Variants in NLN observed in about 807,000 individuals in gnomAD.
The protein encoded by NLN is neurolysin, also known as neurolysin, mitochondrial.
NLN carries 64 observed loss-of-function variants against 79.9 expected under a neutral mutation model. The observed-to-expected ratio is 0.80, with a 90% CI of 0.65 to 0.99. The LOEUF is 0.99. Among genes scored for constraint, NLN ranks in the 50% least tolerant of loss-of-function variants. The pLI, the probability that NLN is intolerant of heterozygous loss-of-function variation, is 0.00. For missense variants in NLN, 835 were observed against 858.7 expected (o/e 0.97, Z 0.34); for synonymous variants, 267 against 296.6 (o/e 0.90, Z 1.02).
chr5:65,820,276 C>A (rs1760763741), intron 12 of NLN, among the ~76,000 whole-genome samples: 1 of 152,172 alleles, frequency 6.6e-6, no homozygotes, highest in African/African-American at 2.4e-5. Flanking sequence ...ATACATGATA[C>A]ATACATCTTG....
At chr5:65,815,816 C>T (rs774969591) in intron 12 of NLN, among the ~76,000 whole-genome samples, 21 of 151,980 alleles carry the variant, frequency 1.4e-4, no homozygotes, top group Non-Finnish European at 2.8e-4. Flanking sequence ...TCTAAAATAA[C>T]ACTTGCCTTA....
intron 5 of NLN, 64 bp from the exon 6 acceptor site, chr5:65,781,197 G>A: frequency 2.0e-6 from 2 of 1,016,940 alleles, no homozygotes; most frequent in Admixed American, 2.2e-5. Context: ...AAGGCACCAT[G>A]CCAATACTAA....
chr5:65,818,681 A>G (rs1184160746), intron 12 of NLN: 3 of 152,258 alleles, frequency 2.0e-5, no homozygotes, highest in Non-Finnish European at 4.4e-5. Context: ...GTTATGGACT[A>G]TGGAAGGAGA....
At chr5:65,801,413 A>G (rs1760283434) in intron 9 of NLN, among the ~76,000 whole-genome samples, 1 of 152,186 alleles carries the variant, frequency 6.6e-6, no homozygotes, top group South Asian at 2.1e-4. Context: ...TGTGAGTCTT[A>G]CCCATGGTTT....
intron 9 of NLN, among the ~76,000 whole-genome samples, chr5:65,805,587 A>T (rs948174262): frequency 2.0e-5 from 3 of 152,378 alleles, no homozygotes; most frequent in Non-Finnish European, 4.4e-5. Flanking sequence ...GAAGTGAGGA[A>T]GCTGCAGAAG....
intron 11 of NLN, among the ~76,000 whole-genome samples, chr5:65,810,659 A>G (rs1028090223): frequency 2.0e-5 from 3 of 152,182 alleles, no homozygotes; most frequent in Admixed American, 6.5e-5. Context: ...ATTATTGACT[A>G]TAGTCATCCT....
At chr5:65,730,745 CAG>C (rs762657166) in intron 1 of NLN, among the ~76,000 whole-genome samples, 64 of 152,108 alleles carry the variant, frequency 4.2e-4, no homozygotes, top group East Asian at 2.3e-3. Context: ...TTTGTAGAAA[CAG>C]GGGTTCACCA....
intron 1 of NLN, among the ~76,000 whole-genome samples, chr5:65,741,576 GTCTC>G (rs969234646): frequency 1.3e-5 from 2 of 152,088 alleles, no homozygotes; most frequent in African/African-American, 4.8e-5. Flanking sequence ...AAAGAGGAGA[GTCTC>G]TCTCCTGAGT....
intron 1 of NLN, among the ~76,000 whole-genome samples, chr5:65,756,243 A>T (rs950111464): frequency 1.1e-4 from 17 of 152,064 alleles, no homozygotes; most frequent in Admixed American, 3.3e-4. Flanking sequence ...AAGTAAAATT[A>T]CCACTTAATA....
chr5:65,746,602 C>G (rs1157031825), intron 1 of NLN, among the ~76,000 whole-genome samples: 1 of 152,116 alleles, frequency 6.6e-6, no homozygotes, highest in Non-Finnish European at 1.5e-5. Flanking sequence ...ATAGTGGTGT[C>G]TAGTGGGGGA....
chr5:65,780,681 T>G (rs1488749295), intron 5 of NLN, among the ~76,000 whole-genome samples: 2 of 152,192 alleles, frequency 1.3e-5, no homozygotes, highest in Non-Finnish European at 2.9e-5. Flanking sequence ...TTTTCTTTTC[T>G]TTTCTTTTTT....
chr5:65,729,243 A>T (rs910426523), intron 1 of NLN, among the ~76,000 whole-genome samples: 1 of 152,200 alleles, frequency 6.6e-6, no homozygotes, highest in Non-Finnish European at 1.5e-5. Flanking sequence ...ATAATCTCCA[A>T]AATGTTAAGA....
chr5:65,812,238 T>C lies in NLN; in HGVS notation c.1844-17T>C. ...ACGTTTGCTATCACATTGATTGAAA[T>C]GTATCTTTTTTTAAAGGCACAAATA... On this transcript the variant is annotated splice_polypyrimidine_tract_variant and intron_variant, in intron 11 of 12. Transcript: ENST00000380985. 1 of 1,611,930 alleles carries C rather than the reference T, an allele frequency of 6.2e-7. No individual in the cohort carries two copies. The highest frequency in any genetic ancestry group is 8.5e-7 in the Non-Finnish European group (1 of 1,178,048).
At chr5:65,808,543 CTG>C (rs1561211539) in intron 9 of NLN, among the ~76,000 whole-genome samples, 1 of 152,182 alleles carries the variant, frequency 6.6e-6, no homozygotes, top group Non-Finnish European at 1.5e-5. Context: ...GTTTGAAGGA[CTG>C]TGTGAAGGTT....
chr5:65,799,590 A>G (rs985351620), intron 9 of NLN, among the ~76,000 whole-genome samples: 1 of 152,234 alleles, frequency 6.6e-6, no homozygotes, highest in African/African-American at 2.4e-5. Flanking sequence ...TTGAGTTTGA[A>G]TAGTACCTTT....
chr5:65,723,377 TGTG>T (rs1758366333), intron 1 of NLN, among the ~76,000 whole-genome samples: 2 of 152,190 alleles, frequency 1.3e-5, no homozygotes, highest in Admixed American at 1.3e-4. Flanking sequence ...AAAGAGTTAA[TGTG>T]GTGATTGGTG....
intron 12 of NLN, among the ~76,000 whole-genome samples, chr5:65,819,753 T>G (rs1478918088): frequency 6.6e-6 from 1 of 152,108 alleles, no homozygotes; most frequent in Non-Finnish European, 1.5e-5. Context: ...GGGCAAAGAC[T>G]CCCTCCACCT....
chr5:65,747,754 A>T (rs1759016233), intron 1 of NLN, among the ~76,000 whole-genome samples: 1 of 152,178 alleles, frequency 6.6e-6, no homozygotes, highest in South Asian at 2.1e-4. Flanking sequence ...AGGGGCCCAC[A>T]CAGATTCTGG....
chr5:65,781,346 C>T lies in NLN; in HGVS notation c.747C>T (p.Phe249=), dbSNP rs773926070. 2 of 1,603,058 alleles carry T rather than the reference C, an allele frequency of 1.2e-6. No individual in the cohort carries two copies. The highest frequency in any genetic ancestry group is 2.2e-5 in the East Asian group (1 of 44,758). ...YKITLKYPHY[F]PVMKKCCIPE... is the part of the protein sequence containing the mutation. Reference sequence around the variant, plus strand: ...TTACCTTAAAATATCCACACTATTTCCCTGTCATGAAGAAATGTTGTATCC... The same window carrying T: ...TTACCTTAAAATATCCACACTATTTTCCTGTCATGAAGAAATGTTGTATCC... Residue 249 remains phenylalanine, a synonymous_variant, in exon 6 of 13, where the codon TTC becomes TTT. Transcript: ENST00000380985.
Sources: allele counts gnomAD v4.1 joint callset (sites outside exome capture counted in the v4.1 genomes callset), GRCh38; gene constraint gnomAD v4.1.1; transcripts MANE v1.5; gene names NCBI Gene and HGNC (gene_info 2026-07-23, HGNC 2026-07-21).